The following PIK3C2G variants were observed in gnomAD, a reference collection of about 807,000 sequenced individuals.
PIK3C2G encodes the protein phosphatidylinositol 3-kinase C2 domain-containing subunit gamma.
A neutral mutation model predicts 181.1 loss-of-function variants in PIK3C2G; 168 were observed. The ratio of observed to expected loss-of-function variants is 0.93; its 90% CI spans 0.82 to 1.05. PIK3C2G has a LOEUF of 1.05. Ranked by LOEUF, PIK3C2G falls within the 50% of genes least tolerant of loss-of-function variation. The probability of loss-of-function intolerance (pLI) is 0.00; values close to 1 mark genes in which losing one functional copy is unlikely to be tolerated. For synonymous variants in PIK3C2G, 573 were observed against 592.2 expected (o/e 0.97, Z 0.47); for missense variants, 1,869 against 1,732.8 (o/e 1.08, Z -1.40).
intron 1 of PIK3C2G, among the ~76,000 whole-genome samples, chr12:18,261,937 CT>C (rs1220693626): frequency 6.6e-6 from 1 of 152,066 alleles, no homozygotes; most frequent in Non-Finnish European, 1.5e-5. Flanking sequence ...TTCATGTCTA[CT>C]GGTAGATTTT....
the PIK3C2G span, chr12:18,693,382 A>T: frequency 5.6e-6 from 9 of 1,604,238 alleles, no homozygotes; most frequent in Admixed American, 1.5e-4. Flanking sequence ...GAATCTGTGG[A>T]GCTTCCTCTC....
chr12:18,600,809 C>T (rs1947668306), intron 30 of PIK3C2G, among the ~76,000 whole-genome samples: 1 of 152,062 alleles, frequency 6.6e-6, no homozygotes, highest in African/African-American at 2.4e-5. Context: ...CTTCAAAATG[C>T]AAGCAAAACT....
chr12:18,592,092 G>C (rs73066298), intron 29 of PIK3C2G, among the ~76,000 whole-genome samples: 4,315 of 151,926 alleles, frequency 0.028, 65 homozygotes, highest in Middle Eastern at 0.061. Context: ...GGTTTGATTT[G>C]TGCTTAGAAG....
intron 4 of PIK3C2G, 149 bp downstream of exon 4, chr12:18,291,161 T>G: frequency 1.8e-6 from 1 of 542,058 alleles, no homozygotes; most frequent in East Asian, 3.0e-5. Flanking sequence ...AGGGATCCAT[T>G]TGTTAATACT....
Position 18,410,398 on chromosome 12 carries a change from A to G in PIK3C2G, c.2316-10543A>G, listed in dbSNP as rs182446472. The stretch of plus-strand genomic sequence containing the variant: ...CACAGGCCTGTAGTCCCAGCTACTC[A>G]AGAGGCTGAGGCAGGAGAATCACTT... On this transcript the variant is annotated intron_variant, in intron 16 of 32. Coordinates refer to ENST00000538779, the MANE Select transcript of PIK3C2G (RefSeq NM_001288772.2). Among the ~76,000 whole-genome samples the G allele has an allele frequency of 1.3e-3, 196 of 151,944 alleles. 1 individual carries two copies. The highest frequency in any genetic ancestry group is 4.5e-3 in the African/African-American group (187 of 41,442).
At chr12:18,293,417 G>C (rs112109273) in intron 4 of PIK3C2G, among the ~76,000 whole-genome samples, 3,461 of 152,206 alleles carry the variant, frequency 0.023, 122 homozygotes, top group African/African-American at 0.078. Context: ...ATATTAACTA[G>C]TGTAAATGCC....
rs990883240 is a variant in PIK3C2G at position 18,496,080 on chromosome 12, T to A, written c.2812T>A (p.Ser938Thr). ...IDHDACSYFT[S>T]NALPLKITFI... ...CCTATAGGCATGTTCATATTTTACATCTAATGCTTTGCCATTGAAGATTAC... is the reference window on the plus strand; with the variant it reads ...CCTATAGGCATGTTCATATTTTACAACTAATGCTTTGCCATTGAAGATTAC... Residue 938 changes from serine (S) to threonine (T), a missense_variant, in exon 21 of 33, where the codon TCT (serine) becomes ACT (threonine). By Grantham distance (58) the Ser-to-Thr change is moderately conservative. Coordinates refer to ENST00000538779, the MANE Select transcript of PIK3C2G (RefSeq NM_001288772.2). 2.0e-6 allele frequency: 3 copies of A among 1,528,308 alleles called. No individual in the cohort carries two copies. Among genetic ancestry groups the A allele is most frequent in the Non-Finnish European group, 2.7e-6 (3 of 1,131,982 alleles). The allele number at this position is 1,528,308 out of a possible 1,614,324, so 94.7% of individuals were successfully genotyped here.
At chr12:18,698,676 A>C in the PIK3C2G span, among the ~76,000 whole-genome samples, 1 of 152,152 alleles carries the variant, frequency 6.6e-6, no homozygotes, top group Non-Finnish European at 1.5e-5. Context: ...AAATATATTT[A>C]TGGAGTACAC....
chr12:18,292,487 A>T (rs1360408638), intron 4 of PIK3C2G, among the ~76,000 whole-genome samples: 3 of 151,644 alleles, frequency 2.0e-5, no homozygotes, highest in Admixed American at 6.6e-5. Flanking sequence ...TCTCTATGGG[A>T]TCCAGCTCCC....
chr12:18,588,790 C>T (rs1057504543), intron 29 of PIK3C2G, among the ~76,000 whole-genome samples: 3 of 152,050 alleles, frequency 2.0e-5, no homozygotes, highest in Non-Finnish European at 2.9e-5. Context: ...GACACATACA[C>T]GTGTAGGCTT....
In PIK3C2G at chr12:18,574,236, G is replaced by A. The variant is rs1035906056; in HGVS notation, c.4011+7179G>A. 2.0e-4 allele frequency among the ~76,000 whole-genome samples: 31 copies of A among 152,268 alleles called. 1 individual carries two copies. The highest frequency in any genetic ancestry group is 7.2e-4 in the African/African-American group (30 of 41,566). On this transcript the variant is annotated intron_variant, in intron 29 of 32. Transcript: ENST00000538779. ...GAAACATTATCCTTAAAAGTAAAGA[G>A]TACAAGGCCTTTTGGATTTTTTGCG...
At chr12:18,342,058 C>T (rs556547194) in intron 9 of PIK3C2G, among the ~76,000 whole-genome samples, 5 of 152,130 alleles carry the variant, frequency 3.3e-5, no homozygotes, top group East Asian at 1.9e-4. Context: ...ACATAATAGG[C>T]GAACCACGAA....
intron 31 of PIK3C2G, among the ~76,000 whole-genome samples, chr12:18,628,285 T>C (rs1166696308): frequency 6.6e-6 from 1 of 152,180 alleles, no homozygotes; most frequent in African/African-American, 2.4e-5. Context: ...TATACACATA[T>C]GAAAATACTG....
chr12:18,350,356 G>A (rs553592420), intron 11 of PIK3C2G, among the ~76,000 whole-genome samples: 1 of 152,128 alleles, frequency 6.6e-6, no homozygotes, highest in Admixed American at 6.6e-5. Context: ...TTGATAAATA[G>A]AATGCAAAAA....
chr12:18,696,278 T>C, the PIK3C2G span: 2 of 1,225,042 alleles, frequency 1.6e-6, no homozygotes, highest in Admixed American at 1.9e-5. Flanking sequence ...TGAAAAAGAA[T>C]AATTAAAACA....
At chr12:18,364,987 T>C (rs1467597694) in intron 12 of PIK3C2G, among the ~76,000 whole-genome samples, 4 of 152,162 alleles carry the variant, frequency 2.6e-5, no homozygotes, top group Admixed American at 6.6e-5. Context: ...TTTTAAAACA[T>C]CAGATTTATT....
At chr12:18,622,313 T>C (rs73070234) in intron 31 of PIK3C2G, among the ~76,000 whole-genome samples, 4,691 of 152,036 alleles carry the variant, frequency 0.031, 78 homozygotes, top group Middle Eastern at 0.061. Context: ...GCAGTATCTG[T>C]CTTCCTGTGT....
chr12:18,359,350 A>C (rs1301456123), intron 11 of PIK3C2G, among the ~76,000 whole-genome samples: 4 of 152,196 alleles, frequency 2.6e-5, no homozygotes, highest in Non-Finnish European at 4.4e-5. Flanking sequence ...TTTGTGACCT[A>C]ACATGTCATC....
chr12:18,665,962 G>C, the PIK3C2G span, among the ~76,000 whole-genome samples: 1 of 151,060 alleles, frequency 6.6e-6, no homozygotes, highest in African/African-American at 2.4e-5. Context: ...AGTTGGGCGT[G>C]GTGGTGCATG....
Sources: allele counts gnomAD v4.1 joint callset (sites outside exome capture counted in the v4.1 genomes callset), GRCh38; gene constraint gnomAD v4.1.1; transcripts MANE v1.5; gene names NCBI Gene and HGNC (gene_info 2026-07-23, HGNC 2026-07-21).